MSMB: variants seen among roughly 807,000 people sequenced by gnomAD.
The protein encoded by MSMB is beta-microseminoprotein.
In MSMB, 10 loss-of-function variants were observed where a neutral mutation model predicts 10.5. The ratio of observed to expected loss-of-function variants is 0.95; its 90% CI spans 0.59 to 1.62. The LOEUF (loss-of-function observed/expected upper bound fraction) is 1.62. Among genes scored for constraint, MSMB ranks in the 40% most tolerant of loss-of-function variants. MSMB has a pLI of 0.00. For missense variants in MSMB, 126 were observed against 137.4 expected, an observed-to-expected ratio of 0.92 and a Z score of 0.42; for synonymous variants, 43 against 46.5, an observed-to-expected ratio of 0.93 and a Z score of 0.30.
chr10:46,033,690 T>A, intron 3 of MSMB, 139 bp from the exon 4 acceptor site: 1 of 1,221,062 alleles, frequency 8.2e-7, no homozygotes, highest in East Asian at 2.4e-5. Context: ...GAGTGTGACC[T>A]CCAGGAACCT....
intron 3 of MSMB, among the ~76,000 whole-genome samples, chr10:46,034,329 C>T (rs370261262): frequency 3.2e-4 from 48 of 151,404 alleles, no homozygotes; most frequent in African/African-American, 9.2e-4. Context: ...GAGGTCTCAC[C>T]ATGTTGGCCA....
chr10:46,042,280 TCACA>T (rs1414322435), intron 1 of MSMB, among the ~76,000 whole-genome samples: 2 of 152,070 alleles, frequency 1.3e-5, no homozygotes, highest in Non-Finnish European at 2.9e-5. Context: ...AAGTGGCATT[TCACA>T]CACAGACACA....
At chr10:46,037,794 C>G (rs540412915) in intron 3 of MSMB, among the ~76,000 whole-genome samples, 1 of 152,150 alleles carries the variant, frequency 6.6e-6, no homozygotes, top group Non-Finnish European at 1.5e-5. Flanking sequence ...CTTCAGGAGC[C>G]CATCTGGAAT....
intron 1 of MSMB, among the ~76,000 whole-genome samples, chr10:46,044,964 CTGT>C (rs1440328982): frequency 2.6e-5 from 4 of 152,104 alleles, no homozygotes; most frequent in African/African-American, 9.7e-5. Flanking sequence ...TCCCACCCCA[CTGT>C]TGTTTTACCA....
Position 46,035,279 on chromosome 10 carries a change from T to C in MSMB, c.216-1728A>G, listed in dbSNP as rs533757721. Among the ~76,000 whole-genome samples, 11 of 152,292 alleles carry C rather than the reference T, an allele frequency of 7.2e-5. No individual in the cohort carries two copies. The East Asian group carries it at 1.9e-3, about 27-fold the overall frequency. On this transcript the variant is annotated intron_variant, in intron 3 of 3. Transcript: ENST00000582163. ...TATGACCCAGAAAGCTACTCCTGGG[T>C]ATATATCCCAAAAGAATTGAAAGCA...
Position 46,039,043 on chromosome 10 carries a change from GTGTT to G in MSMB, c.134_137del (p.Lys45ThrfsTer3). 1 of 1,614,072 alleles carries G rather than the reference GTGTT, an allele frequency of 6.2e-7. No homozygotes were observed. The highest frequency in any genetic ancestry group is 1.3e-5 in the African/African-American group (1 of 75,018). Reference sequence around the variant, plus strand: ...CAGTCTGCCACTCCGAGTTTATTGGGTGTTTGTTTCCTTTGAGATCCATGCATTC... The same window carrying G: ...CAGTCTGCCACTCCGAGTTTATTGGGTGTTTCCTTTGAGATCCATGCATTC... On this transcript the variant is annotated frameshift_variant, in exon 3 of 4. Coordinates refer to ENST00000582163, the MANE Select transcript of MSMB (RefSeq NM_002443.4). LOFTEE classifies it high-confidence loss of function.
intron 3 of MSMB, among the ~76,000 whole-genome samples, chr10:46,033,967 C>T (rs1277481283): frequency 2.0e-5 from 3 of 152,228 alleles, no homozygotes; most frequent in African/African-American, 7.2e-5. Flanking sequence ...AGCAATGAGT[C>T]ACTCCAGGCC....
chr10:46,040,137 G>A (rs1840708250), intron 1 of MSMB, 46 bp from the exon 2 acceptor site: 3 of 1,539,048 alleles, frequency 1.9e-6, no homozygotes, highest in East Asian at 2.3e-5. Flanking sequence ...TTAATTCAAA[G>A]GATAATCCTT....
chr10:46,040,534 G>C (rs1306386138), intron 1 of MSMB, among the ~76,000 whole-genome samples: 3 of 152,198 alleles, frequency 2.0e-5, no homozygotes, highest in African/African-American at 7.2e-5. Context: ...ATGCCCAACA[G>C]GCCAGTTTTA....
intron 3 of MSMB, among the ~76,000 whole-genome samples, chr10:46,037,585 G>C (rs1403684219): frequency 6.6e-6 from 1 of 152,070 alleles, no homozygotes; most frequent in African/African-American, 2.4e-5. Context: ...TTGGGCTGAC[G>C]TGAGTTAAAC....
intron 3 of MSMB, among the ~76,000 whole-genome samples, chr10:46,037,854 G>A (rs1202098595): frequency 1.3e-5 from 2 of 152,206 alleles, no homozygotes; most frequent in African/African-American, 4.8e-5. Flanking sequence ...TGAGATTGAG[G>A]TGGAAAACAA....
intron 1 of MSMB, among the ~76,000 whole-genome samples, chr10:46,040,304 C>T (rs1208022543): frequency 1.3e-5 from 2 of 152,038 alleles, no homozygotes; most frequent in African/African-American, 4.8e-5. Flanking sequence ...GCTAAATAAA[C>T]AAACAAACCT....
chr10:46,038,901 C>T (rs10994385), intron 3 of MSMB, 65 bp downstream of exon 3: 53 of 1,374,524 alleles, frequency 3.9e-5, no homozygotes, highest in East Asian at 1.7e-4. Flanking sequence ...TTTTGCAAGA[C>T]GGAGTAGCTG....
chr10:46,033,773 A>G (rs1840522722), intron 3 of MSMB, among the ~76,000 whole-genome samples: 1 of 152,274 alleles, frequency 6.6e-6, no homozygotes, highest in Non-Finnish European at 1.5e-5. Flanking sequence ...GGTCATCAGT[A>G]GGTGCTGACA....
intron 2 of MSMB, among the ~76,000 whole-genome samples, 189 bp downstream of exon 2, chr10:46,039,797 A>C (rs1309365957): frequency 6.6e-6 from 1 of 152,180 alleles, no homozygotes; most frequent in Non-Finnish European, 1.5e-5. Context: ...AGGTAGAATC[A>C]CTGGAACCCG....
intron 1 of MSMB, among the ~76,000 whole-genome samples, chr10:46,040,367 T>A (rs1475901192): frequency 6.6e-6 from 1 of 152,036 alleles, no homozygotes; most frequent in Non-Finnish European, 1.5e-5. Flanking sequence ...TTAAAAAAAA[T>A]GTTGAGGAGG....
chr10:46,035,187 TA>T (rs35091264), intron 3 of MSMB, among the ~76,000 whole-genome samples: 1 of 152,170 alleles, frequency 6.6e-6, no homozygotes, highest in African/African-American at 2.4e-5. Context: ...GGTAGGAATG[TA>T]AAATGGTGCA....
chr10:46,043,375 C>T (rs1317906491), intron 1 of MSMB, among the ~76,000 whole-genome samples: 1 of 152,100 alleles, frequency 6.6e-6, no homozygotes, highest in Non-Finnish European at 1.5e-5. Context: ...TTGACAGTAT[C>T]TCAGAAATAG....
At chr10:46,043,633 T>C (rs1564937242) in intron 1 of MSMB, among the ~76,000 whole-genome samples, 1 of 152,144 alleles carries the variant, frequency 6.6e-6, no homozygotes, top group South Asian at 2.1e-4. Flanking sequence ...TTAATGTGCA[T>C]ATAAATTCCT....
Sources: allele counts gnomAD v4.1 joint callset (sites outside exome capture counted in the v4.1 genomes callset), GRCh38; gene constraint gnomAD v4.1.1; transcripts MANE v1.5; gene names NCBI Gene and HGNC (gene_info 2026-07-23, HGNC 2026-07-21).